SAMD12: variants seen among roughly 807,000 people sequenced by gnomAD.
SAMD12 encodes sterile alpha motif domain containing 12, also known as sterile alpha motif domain-containing protein 12.
A neutral mutation model predicts 15.0 loss-of-function variants in SAMD12; 9 were observed. That is an observed-to-expected ratio of 0.60 (90% CI 0.36 to 1.05). The LOEUF (loss-of-function observed/expected upper bound fraction) is 1.05. Among genes scored for constraint, SAMD12 ranks in the 50% least tolerant of loss-of-function variants. SAMD12 has a pLI of 0.01. For synonymous variants in SAMD12, 86 were observed against 90.1 expected (o/e 0.96, Z 0.25); for missense variants, 230 against 234.2 (o/e 0.98, Z 0.12).
chr8:118,510,229 TACAC>T, intron 2 of SAMD12, among the ~76,000 whole-genome samples: 2 of 151,008 alleles, frequency 1.3e-5, no homozygotes, highest in Admixed American at 1.3e-4. Context: ...CACACACACA[TACAC>T]ACAAACACGC....
intron 3 of SAMD12, among the ~76,000 whole-genome samples, chr8:118,418,213 T>C (rs949608995): frequency 6.6e-6 from 1 of 152,208 alleles, no homozygotes; most frequent in African/African-American, 2.4e-5. Flanking sequence ...ATACTATCGA[T>C]TACCTTCCGA....
At chr8:118,608,477 G>A (rs1293262077) in intron 1 of SAMD12, among the ~76,000 whole-genome samples, 1 of 151,904 alleles carries the variant, frequency 6.6e-6, no homozygotes, top group African/African-American at 2.4e-5. Context: ...TGCCTTAGAC[G>A]TGTACGTAGA....
chr8:118,463,456 C>T (rs1395798098), intron 2 of SAMD12, among the ~76,000 whole-genome samples: 6 of 152,078 alleles, frequency 3.9e-5, no homozygotes, highest in East Asian at 1.9e-4. Context: ...GAGCAGGTGG[C>T]GAGTGGGCAG....
intron 2 of SAMD12, among the ~76,000 whole-genome samples, chr8:118,475,690 T>C (rs1200880224): frequency 1.3e-5 from 2 of 152,198 alleles, no homozygotes; most frequent in African/African-American, 2.4e-5. Flanking sequence ...ATTTAATAAA[T>C]GTTAGTGAGG....
At chr8:118,285,597 G>A (rs1166834498) in intron 4 of SAMD12, among the ~76,000 whole-genome samples, 3 of 152,198 alleles carry the variant, frequency 2.0e-5, no homozygotes, top group Non-Finnish European at 2.9e-5. Flanking sequence ...TCTTGCTTCA[G>A]ATAATGTGGC....
intron 2 of SAMD12, among the ~76,000 whole-genome samples, chr8:118,444,402 T>C (rs1822846640): frequency 6.6e-6 from 1 of 152,170 alleles, no homozygotes; most frequent in Non-Finnish European, 1.5e-5. Context: ...CCTTTCTGAA[T>C]TGGTCCTGGC....
intron 4 of SAMD12, among the ~76,000 whole-genome samples, chr8:118,293,513 T>A (rs538109732): frequency 6.6e-6 from 1 of 152,250 alleles, no homozygotes; most frequent in Non-Finnish European, 1.5e-5. Context: ...GAAGTCAATT[T>A]ATATTTGGTT....
rs527891035 is a variant in SAMD12, at chr8:118,396,252, A to C, written c.323-16552T>G. Among the ~76,000 whole-genome samples, 5 of 152,236 alleles carry C rather than the reference A, an allele frequency of 3.3e-5. No individual in the cohort carries two copies. In the East Asian group the frequency reaches 9.7e-4, roughly 29 times the overall value. On this transcript the variant is annotated intron_variant, in intron 3 of 3. Coordinates refer to ENST00000314727, the MANE Select transcript of SAMD12 (RefSeq NM_207506.3). Reference sequence around the variant, plus strand: ...TCAGTTTCCTCATCTGTAAAATGATAATTATCATTTTAATCACTCTGAGTT... The same window carrying C: ...TCAGTTTCCTCATCTGTAAAATGATCATTATCATTTTAATCACTCTGAGTT...
the SAMD12 span, among the ~76,000 whole-genome samples, chr8:118,184,003 A>G: frequency 6.6e-6 from 1 of 152,230 alleles, no homozygotes; most frequent in African/African-American, 2.4e-5. Context: ...GAATATTGTT[A>G]GAATTAAATG....
At chr8:118,184,614 G>A (rs1300934254), downstream of SAMD12, among the ~76,000 whole-genome samples, 1 of 152,148 alleles carries the variant, frequency 6.6e-6, no homozygotes, top group East Asian at 1.9e-4. Context: ...TTGTGCCTCA[G>A]CCTCTGGAGT....
intron 3 of SAMD12, among the ~76,000 whole-genome samples, chr8:118,392,412 A>G (rs1046068839): frequency 1.3e-5 from 2 of 152,248 alleles, no homozygotes; most frequent in African/African-American, 4.8e-5. Flanking sequence ...GCCTGGCGAC[A>G]GAACGAGACT....
At chr8:118,569,819 T>A (rs1333574482) in intron 2 of SAMD12, among the ~76,000 whole-genome samples, 3 of 152,218 alleles carry the variant, frequency 2.0e-5, no homozygotes, top group Admixed American at 6.5e-5. Context: ...TTGTTTAAGC[T>A]ACCAAGTCTC....
chr8:118,267,926 A>G (rs1351183535), intron 4 of SAMD12, among the ~76,000 whole-genome samples: 1 of 152,008 alleles, frequency 6.6e-6, no homozygotes, highest in African/African-American at 2.4e-5. Flanking sequence ...CCCTGTCTCT[A>G]CTAAAAATAA....
chr8:118,402,837 A>G (rs1820933019), intron 3 of SAMD12, among the ~76,000 whole-genome samples: 2 of 152,236 alleles, frequency 1.3e-5, no homozygotes, highest in African/African-American at 4.8e-5. Flanking sequence ...GACCTCTGAT[A>G]ACACAAATCC....
intron 3 of SAMD12, among the ~76,000 whole-genome samples, chr8:118,424,110 G>T (rs886481603): frequency 2.6e-5 from 4 of 152,070 alleles, no homozygotes; most frequent in African/African-American, 9.7e-5. Flanking sequence ...ATGGGCTGGA[G>T]AAATTATCAC....
intron 2 of SAMD12, among the ~76,000 whole-genome samples, chr8:118,453,121 C>T (rs1276746293): frequency 4.6e-5 from 7 of 152,134 alleles, no homozygotes; most frequent in African/African-American, 1.4e-4. Context: ...TATAATTGTT[C>T]CTTGCCTTCA....
chr8:118,470,648 T>A (rs1823767631), intron 2 of SAMD12, among the ~76,000 whole-genome samples: 1 of 152,238 alleles, frequency 6.6e-6, no homozygotes, highest in African/African-American at 2.4e-5. Context: ...ACTATCCAAA[T>A]GCAGTAGGGT....
At chr8:118,620,224 G>T (rs1209223264) in intron 1 of SAMD12, among the ~76,000 whole-genome samples, 1 of 152,116 alleles carries the variant, frequency 6.6e-6, no homozygotes, top group Non-Finnish European at 1.5e-5. Flanking sequence ...CTGTCTTGGG[G>T]ACACAGGAGT....
At chr8:118,269,068 T>C (rs1220018895) in intron 4 of SAMD12, among the ~76,000 whole-genome samples, 1 of 152,144 alleles carries the variant, frequency 6.6e-6, no homozygotes, top group Non-Finnish European at 1.5e-5. Context: ...TTATTTTAGC[T>C]CAGATATCAT....
Sources: gnomAD v4.1 joint callset for allele counts (sites outside exome capture counted in the v4.1 genomes callset) on GRCh38, gnomAD v4.1.1 for gene constraint, MANE v1.5 for transcripts, NCBI Gene and HGNC (gene_info 2026-07-23, HGNC 2026-07-21) for gene names.